Variants in PTPN14 observed in about 807,000 individuals in gnomAD.
PTPN14 encodes protein tyrosine phosphatase non-receptor type 14.
A neutral mutation model predicts 126.8 loss-of-function variants in PTPN14; 53 were observed. The ratio of observed to expected loss-of-function variants is 0.42; its 90% CI spans 0.34 to 0.53. PTPN14 has a LOEUF of 0.53. PTPN14 is among the 20% of genes least tolerant of loss of function. The pLI, the probability that PTPN14 is intolerant of heterozygous loss-of-function variation, is 0.08. For missense variants in PTPN14, 1,257 were observed against 1,552.9 expected (o/e 0.81, Z 3.20); for synonymous variants, 630 against 599.3 (o/e 1.05, Z -0.75).
chr1:214,384,132 G>A lies in PTPN14; in HGVS notation c.1723C>T (p.Pro575Ser). 1 of 1,575,152 alleles carries A rather than the reference G, an allele frequency of 6.3e-7. No homozygotes were observed. Among genetic ancestry groups the A allele is most frequent in the Admixed American group, 1.7e-5 (1 of 58,518 alleles). The change falls in exon 13 of 19, where the codon CCT (proline) becomes TCT (serine). Residue 575 changes from proline (P) to serine (S), a missense_variant. Coordinates refer to ENST00000366956, the MANE Select transcript of PTPN14 (RefSeq NM_005401.5). The surrounding 1 kb of genome is among the most constrained non-coding windows in gnomAD (Gnocchi z 5.3). Reference protein sequence around the residue: ...RPPPPYPRPRPATSTPDLASH... With the variant: ...RPPPPYPRPRSATSTPDLASH... ...GCCAGGTCTGGGGTGCTGGTGGCAG[G>A]TCGTGGCCGTGGGTAGGGGGGCGGT...
intron 1 of PTPN14, among the ~76,000 whole-genome samples, chr1:214,488,850 A>G (rs1262827993): frequency 6.6e-6 from 1 of 152,164 alleles, no homozygotes; most frequent in East Asian, 1.9e-4. Context: ...TTTTCCCATC[A>G]CAAGCACAGA....
chr1:214,377,890 G>T (rs561943301), intron 14 of PTPN14, 69 bp downstream of exon 14: 90 of 1,521,356 alleles, frequency 5.9e-5, no homozygotes, highest in Middle Eastern at 1.8e-4. Flanking sequence ...TGGCATATTC[G>T]GGCAAGGAGG....
At chr1:214,400,979 A>T (rs2102563204) in intron 7 of PTPN14, among the ~76,000 whole-genome samples, 1 of 152,212 alleles carries the variant, frequency 6.6e-6, no homozygotes, top group South Asian at 2.1e-4. Flanking sequence ...GCATCTCCCA[A>T]ATTGCTGAAA....
At chr1:214,475,038 G>A (rs1660837452) in intron 1 of PTPN14, among the ~76,000 whole-genome samples, 1 of 152,218 alleles carries the variant, frequency 6.6e-6, no homozygotes, top group Admixed American at 6.5e-5. Context: ...TAGGGCTGCA[G>A]ATGAGGCACC....
Position 214,464,380 on chromosome 1 carries a change from T to C in PTPN14, c.174+250A>G, listed in dbSNP as rs1418007155. 2.6e-5 allele frequency among the ~76,000 whole-genome samples: 4 copies of C among 152,230 alleles called. No individual in the cohort carries two copies. The East Asian group carries it at 7.7e-4, about 29-fold the overall frequency. ...TCATTTTCAACTCCCCCAAAACCTC[T>C]TCCCCAGCTGAAATAAAAGGAAACC... On this transcript the variant is annotated intron_variant, in intron 2 of 18. Coordinates refer to ENST00000366956, the MANE Select transcript of PTPN14 (RefSeq NM_005401.5).
intron 13 of PTPN14, among the ~76,000 whole-genome samples, chr1:214,381,656 TG>T (rs1658475865): frequency 6.6e-6 from 1 of 152,242 alleles, no homozygotes; most frequent in Non-Finnish European, 1.5e-5. Context: ...CTTAAAACTT[TG>T]GGCCTTGATT....
At chr1:214,528,471 A>C (rs1655456254) in intron 1 of PTPN14, 1 of 152,254 alleles carries the variant, frequency 6.6e-6, no homozygotes, top group Non-Finnish European at 1.5e-5. Flanking sequence ...GAAAAGCAGA[A>C]AAAGTATTCT....
chr1:214,461,003 C>T (rs1219892718), intron 2 of PTPN14, among the ~76,000 whole-genome samples: 2 of 151,858 alleles, frequency 1.3e-5, no homozygotes, highest in Non-Finnish European at 2.9e-5. Context: ...AACAAATGTA[C>T]CACTCAGGGG....
intron 3 of PTPN14, among the ~76,000 whole-genome samples, chr1:214,448,466 G>A (rs1161452123): frequency 1.3e-5 from 2 of 148,820 alleles, no homozygotes; most frequent in Non-Finnish European, 3.0e-5. Flanking sequence ...GGATGGTCTC[G>A]ATCTCCTGAC....
chr1:214,464,207 A>G (rs1365712251), intron 2 of PTPN14, among the ~76,000 whole-genome samples: 1 of 111,676 alleles, frequency 9.0e-6, no homozygotes, highest in Non-Finnish European at 1.8e-5. Context: ...AGGAAAATAT[A>G]GAAACAACCA....
chr1:214,377,614 G>T (rs1658372820), intron 14 of PTPN14, among the ~76,000 whole-genome samples: 1 of 152,138 alleles, frequency 6.6e-6, no homozygotes, highest in African/African-American at 2.4e-5. Context: ...AAAAATCACA[G>T]AAATTCAGAG....
chr1:214,426,219 A>G (rs899917811), intron 3 of PTPN14, among the ~76,000 whole-genome samples: 6 of 152,112 alleles, frequency 3.9e-5, no homozygotes, highest in Non-Finnish European at 8.8e-5. Flanking sequence ...TGCCAGAGAT[A>G]AAATACCAAA....
At chr1:214,483,980 T>G (rs1375120853) in intron 1 of PTPN14, among the ~76,000 whole-genome samples, 1 of 152,204 alleles carries the variant, frequency 6.6e-6, no homozygotes, top group African/African-American at 2.4e-5. Context: ...CTCCAAAAGA[T>G]AAGCATGTTA....
rs535129247 is a variant in PTPN14 at position 214,543,551 on chromosome 1, A to G, written c.-155+7632T>C. Among the ~76,000 whole-genome samples the G allele has an allele frequency of 2.6e-5, 4 of 152,348 alleles. No individual in the cohort carries two copies. In the South Asian group the frequency reaches 6.2e-4, roughly 24 times the overall value. ...AGAGCATAGTAATTATTTATCAAAG[A>G]ATAAATAATAAATCACAAACTAGGC... is the stretch of plus-strand genomic sequence containing the variant. On this transcript the variant is annotated intron_variant, in intron 1 of 18. Transcript: ENST00000366956.
chr1:214,477,999 C>T (rs1035639213), intron 1 of PTPN14, among the ~76,000 whole-genome samples: 1 of 152,122 alleles, frequency 6.6e-6, no homozygotes, highest in Non-Finnish European at 1.5e-5. Context: ...AAAATACATG[C>T]GTACTTCTTC....
intron 1 of PTPN14, among the ~76,000 whole-genome samples, chr1:214,522,019 C>T (rs1244775401): frequency 6.7e-6 from 1 of 149,164 alleles, no homozygotes; most frequent in Non-Finnish European, 1.5e-5. Flanking sequence ...TCACTGCAAC[C>T]TCCACTTCCC....
At chr1:214,462,430 C>G (rs1339616193) in intron 2 of PTPN14, among the ~76,000 whole-genome samples, 1 of 152,234 alleles carries the variant, frequency 6.6e-6, no homozygotes, top group East Asian at 1.9e-4. Context: ...CCTTCTCAGC[C>G]CCCAAAATGT....
chr1:214,435,516 T>C lies in PTPN14; in HGVS notation c.344+16289A>G, dbSNP rs78730322. ...ACCCTTTAAAAAAAAAAGTATTCAGTGAACTGGGTGTAAACAATATAGATT... is the reference window on the plus strand; with the variant it reads ...ACCCTTTAAAAAAAAAAGTATTCAGCGAACTGGGTGTAAACAATATAGATT... On this transcript the variant is annotated intron_variant, in intron 3 of 18. Coordinates refer to ENST00000366956, the MANE Select transcript of PTPN14 (RefSeq NM_005401.5). 6.7e-3 allele frequency among the ~76,000 whole-genome samples: 1,015 copies of C among 151,324 alleles called. 13 individuals are homozygous for C. Among genetic ancestry groups the C allele is most frequent in the Non-Finnish European group, 0.01 (698 of 67,834 alleles).
At chr1:214,431,119 G>A (rs1238915686) in intron 3 of PTPN14, among the ~76,000 whole-genome samples, 1 of 152,170 alleles carries the variant, frequency 6.6e-6, no homozygotes, top group Non-Finnish European at 1.5e-5. Flanking sequence ...GAACGGCACA[G>A]ACAAGTAAAA....
Sources: gnomAD v4.1 joint callset for allele counts (sites outside exome capture counted in the v4.1 genomes callset) on GRCh38, gnomAD v4.1.1 for gene constraint, Gnocchi (gnomAD v3.1) non-coding constraint, MANE v1.5 for transcripts, NCBI Gene and HGNC (gene_info 2026-07-23, HGNC 2026-07-21) for gene names.